The following LYRM4 variants were observed in gnomAD, a reference collection of about 807,000 sequenced individuals.
LYRM4 encodes LYR motif-containing protein 4.
LYRM4 carries 9 observed loss-of-function variants against 11.7 expected under a neutral mutation model. The ratio of observed to expected loss-of-function variants is 0.77; its 90% CI spans 0.46 to 1.34. The LOEUF is 1.34. LYRM4 is among the 40% of genes most tolerant of loss of function. The probability of loss-of-function intolerance (pLI) is 0.00; values close to 1 mark genes in which losing one functional copy is unlikely to be tolerated. For missense variants in LYRM4, 133 were observed against 112.5 expected, an observed-to-expected ratio of 1.18 and a Z score of -0.82; for synonymous variants, 42 against 40.4, an observed-to-expected ratio of 1.04 and a Z score of -0.15.
rs535110535 is a variant in LYRM4, at chr6:5,260,888, C to T, written c.-155G>A. ...CGGGCCTAAGCCTAAGCGGGCAGCC[C>T]TGCGGATCGCGGACGGCGCCAGGCG... On this transcript the variant is annotated 5_prime_UTR_variant, in exon 1 of 3. Coordinates refer to ENST00000330636, the MANE Select transcript of LYRM4 (RefSeq NM_020408.6). 46 of 1,406,920 alleles carry T rather than the reference C, an allele frequency of 3.3e-5. No homozygotes were observed. In the Admixed American group the frequency reaches 6.7e-4, roughly 20 times the overall value. The allele number at this position is 1,406,920 out of a possible 1,614,324, so 87.2% of individuals were successfully genotyped here.
intron 1 of LYRM4, among the ~76,000 whole-genome samples, chr6:5,232,151 A>C (rs1309784398): frequency 1.3e-5 from 2 of 152,236 alleles, no homozygotes; most frequent in African/African-American, 4.8e-5. Context: ...CTCAAAAAAA[A>C]CTGTTGAATA....
intron 1 of LYRM4, among the ~76,000 whole-genome samples, chr6:5,245,115 T>A (rs2753226): frequency 0.11 from 1,550 of 14,050 alleles, 68 homozygotes; most frequent in South Asian, 0.22. Flanking sequence ...AAAAAAAAAA[T>A]ATATATATAT....
At chr6:5,116,538 G>A (rs985449971) in intron 2 of LYRM4, among the ~76,000 whole-genome samples, 5 of 152,220 alleles carry the variant, frequency 3.3e-5, no homozygotes, top group African/African-American at 9.6e-5. Flanking sequence ...GGCAGAGAAC[G>A]ATGCTCCAAG....
intron 2 of LYRM4, among the ~76,000 whole-genome samples, chr6:5,159,603 C>T (rs1226047788): frequency 6.6e-6 from 1 of 152,186 alleles, no homozygotes; most frequent in Non-Finnish European, 1.5e-5. Flanking sequence ...CAACCTCTCT[C>T]CAGAGAAAAC....
chr6:5,163,492 T>G (rs1335193054), intron 2 of LYRM4, among the ~76,000 whole-genome samples: 1 of 151,000 alleles, frequency 6.6e-6, no homozygotes, highest in Non-Finnish European at 1.5e-5. Context: ...GGCAGAAGCA[T>G]TCCAACTTTT....
intron 2 of LYRM4, among the ~76,000 whole-genome samples, chr6:5,208,060 T>C (rs1254975530): frequency 6.6e-6 from 1 of 152,150 alleles, no homozygotes; most frequent in Non-Finnish European, 1.5e-5. Context: ...GCATGTCAGG[T>C]CAGAATTTCC....
chr6:5,225,891 T>C (rs1440512660), intron 1 of LYRM4, among the ~76,000 whole-genome samples: 2 of 152,260 alleles, frequency 1.3e-5, no homozygotes, highest in African/African-American at 2.4e-5. Context: ...ATCAGTCTAA[T>C]AGGTGAAAAA....
chr6:5,123,569 A>G (rs1763563506), intron 2 of LYRM4, among the ~76,000 whole-genome samples: 1 of 152,250 alleles, frequency 6.6e-6, no homozygotes, highest in Non-Finnish European at 1.5e-5. Flanking sequence ...CCTTGTGGTC[A>G]GAAGTTGAAC....
intron 2 of LYRM4, among the ~76,000 whole-genome samples, chr6:5,206,223 G>A (rs950588776): frequency 6.6e-6 from 1 of 152,202 alleles, no homozygotes; most frequent in African/African-American, 2.4e-5. Context: ...GAAAATGTCA[G>A]GCATGAAAGG....
Position 5,218,272 on chromosome 6 carries a change from T to C in LYRM4, c.87-1534A>G. 4.1e-6 allele frequency: 4 copies of C among 985,296 alleles called. No homozygotes were observed. The South Asian group carries it at 1.9e-4, about 46-fold the overall frequency. The allele number at this position is 985,296 out of a possible 1,614,324, so 61.0% of individuals were successfully genotyped here. A position where few individuals can be genotyped will look rare whatever the true frequency, so the allele number is the denominator to read the frequency against. The stretch of plus-strand genomic sequence containing the variant: ...CTTGGAGCACCGGTTAAAGAATCCA[T>C]GTGATGCCAGTAGTAATATTTAGCA... On this transcript the variant is annotated intron_variant, in intron 1 of 2. Coordinates refer to ENST00000330636, the MANE Select transcript of LYRM4 (RefSeq NM_020408.6).
intron 2 of LYRM4, among the ~76,000 whole-genome samples, chr6:5,140,752 A>C (rs963284793): frequency 2.6e-5 from 4 of 152,258 alleles, no homozygotes; most frequent in Non-Finnish European, 5.9e-5. Flanking sequence ...AAAAATGGTT[A>C]AGAAGGTAAA....
chr6:5,088,765 T>G, the LYRM4 span: 4 of 152,210 alleles, frequency 2.6e-5, no homozygotes, highest in African/African-American at 9.7e-5. Context: ...AGGTAAAGCT[T>G]TATATGACTC....
intron 2 of LYRM4, among the ~76,000 whole-genome samples, chr6:5,178,804 CAAAAAAAAAAAAAAA>C (rs56880549): frequency 1.0e-4 from 3 of 30,026 alleles, no homozygotes; most frequent in Non-Finnish European, 1.9e-4. Context: ...GACTCTGTCT[CAAAAAAAAAAAAAAA>C]AAAAAAAAAA....
At chr6:5,164,434 A>T (rs1448674428) in intron 2 of LYRM4, among the ~76,000 whole-genome samples, 1 of 152,250 alleles carries the variant, frequency 6.6e-6, no homozygotes, top group Non-Finnish European at 1.5e-5. Context: ...TGAATCTCAC[A>T]AATAATAATG....
At chr6:5,051,730 A>C in the LYRM4 span, among the ~76,000 whole-genome samples, 1 of 152,130 alleles carries the variant, frequency 6.6e-6, no homozygotes, top group East Asian at 1.9e-4. Flanking sequence ...AATTTTTTTT[A>C]ATGAAAAAAG....
chr6:5,225,956 T>C (rs1000547838), intron 1 of LYRM4, among the ~76,000 whole-genome samples: 4 of 152,222 alleles, frequency 2.6e-5, no homozygotes, highest in African/African-American at 9.6e-5. Flanking sequence ...CACCACATTG[T>C]CCCAGGTCTA....
At chr6:5,187,144 A>T (rs1479988459) in intron 2 of LYRM4, among the ~76,000 whole-genome samples, 2 of 152,236 alleles carry the variant, frequency 1.3e-5, no homozygotes, top group Non-Finnish European at 2.9e-5. Context: ...TATTCTTAAC[A>T]TGACCCCTAA....
At chr6:5,060,609 C>T in the LYRM4 span, among the ~76,000 whole-genome samples, 3 of 152,124 alleles carry the variant, frequency 2.0e-5, no homozygotes, top group South Asian at 4.2e-4. Flanking sequence ...TCAGCTCACA[C>T]GTCTGCCTCT....
the LYRM4 span, among the ~76,000 whole-genome samples, chr6:5,060,450 G>A: frequency 6.6e-6 from 1 of 150,966 alleles, no homozygotes; most frequent in Non-Finnish European, 1.5e-5. Context: ...CCCAGTGAAG[G>A]TTTTTTTTAG....
Sources: allele counts gnomAD v4.1 joint callset (sites outside exome capture counted in the v4.1 genomes callset), GRCh38; gene constraint gnomAD v4.1.1; transcripts MANE v1.5; gene names NCBI Gene and HGNC (gene_info 2026-07-23, HGNC 2026-07-21).